Variants in TDRKH observed in about 807,000 individuals in gnomAD.
TDRKH encodes tudor and KH domain containing, also known as tudor and KH domain-containing protein.
In TDRKH, 28 loss-of-function variants were observed where a neutral mutation model predicts 61.3. That is an observed-to-expected ratio of 0.46 (90% CI 0.34 to 0.63). The LOEUF (loss-of-function observed/expected upper bound fraction) is 0.63. Ranked by LOEUF, TDRKH falls within the 20% of genes least tolerant of loss-of-function variation. The pLI is 0.01. For missense variants in TDRKH, 540 were observed against 683.4 expected (o/e 0.79, Z 2.34); for synonymous variants, 219 against 244.4 (o/e 0.90, Z 0.97).
At chr1:151,790,179 C>T (rs1402228592) in intron 1 of TDRKH, among the ~76,000 whole-genome samples, 1 of 152,144 alleles carries the variant, frequency 6.6e-6, no homozygotes, top group Non-Finnish European at 1.5e-5. Context: ...GGAGCATCTT[C>T]CTCAGATACA....
At position 151,782,920 on chromosome 1, in the gene TDRKH, G is replaced by A. The variant is rs375374437; in HGVS notation, c.103C>T (p.Arg35Cys). The A allele has an allele frequency of 2.4e-5, 38 of 1,611,280 alleles. No homozygotes were observed. The highest frequency in any genetic ancestry group is 9.9e-5 in the South Asian group (9 of 90,544). ...ASATVAYILY[R>C]RYRESREERL... ...GTACCTCTGCTTTCCCTATACCTGC[G>A]GTATAGGATATAGGCAACTGTTGCA... Residue 35 changes from arginine to cysteine, a missense_variant, in exon 2 of 13, where the codon CGC (arginine) becomes TGC (cysteine). Coordinates refer to ENST00000368824, the MANE Select transcript of TDRKH (RefSeq NM_001083965.2).
In TDRKH at chr1:151,778,748, G is replaced by C; in HGVS notation, c.820C>G (p.Pro274Ala). 5 of 1,614,170 alleles carry C rather than the reference G, an allele frequency of 3.1e-6. No individual in the cohort carries two copies. The highest frequency in any genetic ancestry group is 4.2e-6 in the Non-Finnish European group (5 of 1,180,040). ...GACTTCTGAAAGCTGTCATCACTAG[G>C]TTTCTCCCAGGAACCTTCCTTTGAC... is the stretch of plus-strand genomic sequence containing the variant. The part of the protein sequence containing the change: ...VVSKEGSWEK[P>A]SDDSFQKSEA... Residue 274 changes from proline (P) to alanine (A), a missense_variant, in exon 6 of 13, where the codon CCT (proline) becomes GCT (alanine). Pro to Ala is a conservative substitution (Grantham distance 27). Coordinates refer to ENST00000368824, the MANE Select transcript of TDRKH (RefSeq NM_001083965.2).
At chr1:151,773,427 T>C (rs963286540), downstream of TDRKH, 2 of 152,588 alleles carry the variant, frequency 1.3e-5, no homozygotes, top group African/African-American at 4.8e-5. Context: ...AGTTGGCAGT[T>C]TTCACCAGAT....
downstream of TDRKH, among the ~76,000 whole-genome samples, chr1:151,772,525 G>A (rs1459605185): frequency 6.6e-6 from 1 of 152,052 alleles, no homozygotes; most frequent in Non-Finnish European, 1.5e-5. Context: ...GCATCCTTAT[G>A]TGCTAGTTTT....
At chr1:151,781,328 A>ATATATATATATATATATATATATATAT (rs1553282748) in intron 3 of TDRKH, among the ~76,000 whole-genome samples, 153 bp downstream of exon 3, 130 of 68,220 alleles carry the variant, frequency 1.9e-3, no homozygotes, top group Non-Finnish European at 3.0e-3. Flanking sequence ...AAAAAAAAAA[A>ATATATATATATATATATATATATATAT]ATATATATAT....
At chr1:151,781,777 C>T (rs984416277) in intron 2 of TDRKH, 190 bp from the exon 3 acceptor site, 9 of 563,256 alleles carry the variant, frequency 1.6e-5, no homozygotes, top group Non-Finnish European at 1.9e-5. Context: ...CAGAGATGGG[C>T]ATTTTCTCTG....
chr1:151,785,370 C>T (rs1037411556), intron 1 of TDRKH, among the ~76,000 whole-genome samples: 1 of 152,176 alleles, frequency 6.6e-6, no homozygotes, highest in Non-Finnish European at 1.5e-5. Context: ...TGACCCTGCT[C>T]TAAAACACCA....
chr1:151,771,239 T>C (rs978586518), downstream of TDRKH: 25 of 1,609,106 alleles, frequency 1.6e-5, no homozygotes, highest in East Asian at 4.5e-5. Context: ...TTCCAACGCT[T>C]TGAGGGGCTG....
intron 12 of TDRKH, 30 bp from the exon 13 acceptor site, chr1:151,774,534 T>TA (rs1371805739): frequency 3.7e-6 from 6 of 1,613,292 alleles, no homozygotes; most frequent in Non-Finnish European, 5.1e-6. Context: ...AGGAGAAAGT[T>TA]AGACACTGCC....
At position 151,779,246 on chromosome 1, in the gene TDRKH, C is replaced by A. The variant is rs1486550876; in HGVS notation, c.422-4G>T. 1 of 1,613,220 alleles carries A rather than the reference C, an allele frequency of 6.2e-7. No individual in the cohort carries two copies. ...CGAATTGTCTCGCCGCCTCTCCCTA[C>A]ATTAAACAATATATAAAAACCTGCC... On this transcript the variant is annotated splice_region_variant and splice_polypyrimidine_tract_variant and intron_variant, in intron 4 of 12. Transcript: ENST00000368824.
downstream of TDRKH, chr1:151,770,928 A>G: frequency 1.8e-6 from 2 of 1,106,140 alleles, no homozygotes; most frequent in Admixed American, 3.3e-5. Flanking sequence ...CCAGAGTTAG[A>G]GCCTAGGTCT....
chr1:151,779,841 T>C (rs554200235), intron 4 of TDRKH, 110 bp downstream of exon 4: 24 of 1,172,066 alleles, frequency 2.0e-5, no homozygotes, highest in Admixed American at 5.1e-5. Flanking sequence ...TCCCTTTTTT[T>C]CCCCTCACAT....
At chr1:151,781,170 C>T (rs1198115500) in intron 3 of TDRKH, among the ~76,000 whole-genome samples, 2 of 147,560 alleles carry the variant, frequency 1.4e-5, no homozygotes, top group African/African-American at 2.5e-5. Context: ...ACCAAAAATT[C>T]GCTGGGCGTG....
At chr1:151,780,525 A>C (rs912811074) in intron 3 of TDRKH, among the ~76,000 whole-genome samples, 2 of 152,228 alleles carry the variant, frequency 1.3e-5, no homozygotes, top group Non-Finnish European at 2.9e-5. Context: ...ATTTACTGTC[A>C]ATTAATGAGA....
downstream of TDRKH, chr1:151,771,771 T>C: frequency 2.5e-6 from 1 of 394,212 alleles, no homozygotes; most frequent in East Asian, 3.6e-5. Context: ...GAATGGGCTG[T>C]AAACAGGTAA....
At chr1:151,771,180 T>C, downstream of TDRKH, 1 of 1,613,806 alleles carries the variant, frequency 6.2e-7, no homozygotes, top group South Asian at 1.1e-5. Flanking sequence ...TGTATCCCCT[T>C]GAAAGGGATG....
downstream of TDRKH, chr1:151,766,931 T>C: frequency 1.3e-6 from 2 of 1,521,420 alleles, no homozygotes; most frequent in Non-Finnish European, 1.8e-6. Context: ...ATATAAAATG[T>C]AAGGAAAAAG....
intron 1 of TDRKH, among the ~76,000 whole-genome samples, chr1:151,785,471 A>G (rs1572011010): frequency 1.3e-5 from 2 of 152,242 alleles, no homozygotes; most frequent in African/African-American, 4.8e-5. Flanking sequence ...GAGCTGGAGT[A>G]AGTACTATGT....
chr1:151,770,701 A>T, downstream of TDRKH: 1 of 242,872 alleles, frequency 4.1e-6, no homozygotes. Flanking sequence ...ATGGTGAATA[A>T]CCATTCATAA....
Sources: allele counts gnomAD v4.1 joint callset (sites outside exome capture counted in the v4.1 genomes callset), GRCh38; gene constraint gnomAD v4.1.1; transcripts MANE v1.5; gene names NCBI Gene and HGNC (gene_info 2026-07-23, HGNC 2026-07-21).